The following BCL2L11 variants were observed in gnomAD, a reference collection of about 807,000 sequenced individuals.
BCL2L11 encodes the protein BCL2 like 11.
Under a neutral mutation model 20.6 loss-of-function variants are expected in BCL2L11, and 15 were observed. The observed-to-expected ratio is 0.73, with a 90% CI of 0.49 to 1.12. The LOEUF (loss-of-function observed/expected upper bound fraction) is 1.12. Ranked by LOEUF, BCL2L11 falls within the 50% of genes most tolerant of loss-of-function variation. The pLI is 0.00. For missense variants in BCL2L11, 292 were observed against 260.9 expected (o/e 1.12, Z -0.82); for synonymous variants, 108 against 92.8 (o/e 1.16, Z -0.94).
At position 111,121,071 on chromosome 2, in the gene BCL2L11, C is replaced by T; in HGVS notation, c.-131C>T. On this transcript the variant is annotated 5_prime_UTR_variant, in exon 1 of 4. Coordinates refer to ENST00000393256, the MANE Select transcript of BCL2L11 (RefSeq NM_138621.5). Reference sequence around the variant, plus strand: ...CCACCCTGCGAACCCTGCCACACTGCGATCGCATCATCGCGGTATTCGGTT... The same window carrying T: ...CCACCCTGCGAACCCTGCCACACTGTGATCGCATCATCGCGGTATTCGGTT... 2.9e-6 allele frequency: 1 copy of T among 345,598 alleles called. No individual in the cohort carries two copies. The allele number at this position is 345,598 out of a possible 1,614,324, so 21.4% of individuals were successfully genotyped here.
intron 1 of BCL2L11, 190 bp from the exon 2 acceptor site, chr2:111,123,543 C>T (rs2071728152): frequency 1.0e-6 from 1 of 983,748 alleles, no homozygotes; most frequent in African/African-American, 1.7e-5. Context: ...GGGGTACCCT[C>T]TACCAAAAAA....
In BCL2L11 at chr2:111,165,689, A is replaced by G. The variant is rs1261217547; in HGVS notation, c.*1458A>G. ...GGGAGACCCAAGAAAGAGTCAGGTT[A>G]GGGAGCAGTGAAAGTGAGGAGGGAA... On this transcript the variant is annotated 3_prime_UTR_variant, in exon 4 of 4. Transcript: ENST00000393256. 1 of 152,160 alleles carries G rather than the reference A, an allele frequency of 6.6e-6. No individual in the cohort carries two copies. Among genetic ancestry groups the G allele is most frequent in the Non-Finnish European group, 1.5e-5 (1 of 68,032 alleles). The allele number at this position is 152,160 out of a possible 1,614,324, so 9.4% of individuals were successfully genotyped here.
chr2:111,123,234 C>A, intron 1 of BCL2L11: 1 of 985,492 alleles, frequency 1.0e-6, no homozygotes, highest in Non-Finnish European at 1.2e-6. Context: ...CTACGACTGA[C>A]GGCCGCTGCC....
chr2:111,149,082 C>T (rs903248378), intron 2 of BCL2L11, among the ~76,000 whole-genome samples: 7 of 152,140 alleles, frequency 4.6e-5, no homozygotes, highest in Non-Finnish European at 1.0e-4. Context: ...ACGTGAATAG[C>T]GGTGGAAATC....
At chr2:111,134,024 T>C (rs2074417127) in intron 2 of BCL2L11, among the ~76,000 whole-genome samples, 1 of 152,126 alleles carries the variant, frequency 6.6e-6, no homozygotes, top group Non-Finnish European at 1.5e-5. Context: ...CATAGTATTA[T>C]CTTTTTCCAT....
intron 3 of BCL2L11, among the ~76,000 whole-genome samples, chr2:111,152,837 G>A (rs887515460): frequency 1.3e-5 from 2 of 152,296 alleles, no homozygotes; most frequent in East Asian, 3.9e-4. Flanking sequence ...CCAATAAGAT[G>A]CAACCTATTG....
At chr2:111,128,698 G>T in intron 2 of BCL2L11, 1 of 1,549,400 alleles carries the variant, frequency 6.5e-7, no homozygotes. Flanking sequence ...AGATTTGTAT[G>T]GCCACCACCA....
chr2:111,125,535 C>T (rs375347992), intron 2 of BCL2L11, among the ~76,000 whole-genome samples: 5 of 152,236 alleles, frequency 3.3e-5, no homozygotes, highest in African/African-American at 7.2e-5. Context: ...ACTCAACAAA[C>T]CCATCAGAAC....
intron 2 of BCL2L11, among the ~76,000 whole-genome samples, chr2:111,126,158 C>T (rs2072553040): frequency 6.6e-6 from 1 of 152,114 alleles, no homozygotes; most frequent in Non-Finnish European, 1.5e-5. Flanking sequence ...GTTTCTCCTT[C>T]CCTGGAACTG....
chr2:111,164,291 C>T lies in BCL2L11; in HGVS notation c.*60C>T. ...ATTTTGCTTGTTCAAACCAACAAGA[C>T]CCAGCACCGCGGTCTCCTGGTGCCA... On this transcript the variant is annotated 3_prime_UTR_variant, in exon 4 of 4. Coordinates refer to ENST00000393256, the MANE Select transcript of BCL2L11 (RefSeq NM_138621.5). The T allele has an allele frequency of 8.0e-7, 1 of 1,256,544 alleles. No individual in the cohort carries two copies. Among genetic ancestry groups the T allele is most frequent in the Non-Finnish European group, 1.2e-6 (1 of 854,266 alleles). The allele number at this position is 1,256,544 out of a possible 1,614,324, so 77.8% of individuals were successfully genotyped here. A position where few individuals can be genotyped will look rare whatever the true frequency, so the allele number is the denominator to read the frequency against.
chr2:111,127,026 C>G (rs546483710), intron 2 of BCL2L11, among the ~76,000 whole-genome samples: 19 of 152,058 alleles, frequency 1.2e-4, no homozygotes, highest in African/African-American at 4.6e-4. Context: ...TTTTATGTCT[C>G]TGATTTTTCT....
intron 2 of BCL2L11, among the ~76,000 whole-genome samples, chr2:111,137,297 C>T (rs72836352): frequency 0.071 from 10,854 of 152,264 alleles, 558 homozygotes; most frequent in Non-Finnish European, 0.11. Flanking sequence ...TCACAGGACT[C>T]GCTATGAACC....
intron 3 of BCL2L11, chr2:111,153,725 C>G (rs2077504780): frequency 2.6e-6 from 4 of 1,550,594 alleles, no homozygotes; most frequent in African/African-American, 1.4e-5. Flanking sequence ...AAGTGTTAGT[C>G]TTTTATTGCC....
At chr2:111,153,095 A>T (rs1298388329) in intron 3 of BCL2L11, among the ~76,000 whole-genome samples, 1 of 152,114 alleles carries the variant, frequency 6.6e-6, no homozygotes, top group East Asian at 1.9e-4. Context: ...GCAAAACACA[A>T]GGCTGGGTAC....
intron 2 of BCL2L11, chr2:111,142,424 TA>T (rs2075969229): frequency 6.6e-7 from 1 of 1,514,490 alleles, no homozygotes; most frequent in Non-Finnish European, 9.0e-7. Flanking sequence ...CAAAATGGGA[TA>T]AAAAGAAGCA....
intron 1 of BCL2L11, among the ~76,000 whole-genome samples, chr2:111,122,110 T>C (rs1487437434): frequency 6.6e-6 from 1 of 152,222 alleles, no homozygotes; most frequent in Non-Finnish European, 1.5e-5. Flanking sequence ...GGGGTGGCTC[T>C]TCGGCTTTGA....
chr2:111,160,405 G>A (rs2078411039), intron 3 of BCL2L11, among the ~76,000 whole-genome samples: 1 of 152,194 alleles, frequency 6.6e-6, no homozygotes, highest in East Asian at 1.9e-4. Flanking sequence ...CTTGAAGTCA[G>A]GCCCCCCACC....
rs532048690 is a variant in BCL2L11, at chr2:111,136,210, T to C, written c.394+12071T>C. 2.0e-5 allele frequency among the ~76,000 whole-genome samples: 3 copies of C among 152,338 alleles called. No homozygotes were observed. The East Asian group carries it at 5.8e-4, about 29-fold the overall frequency. On this transcript the variant is annotated intron_variant, in intron 2 of 3. Transcript: ENST00000393256. The stretch of plus-strand genomic sequence containing the variant: ...GAACAGGCCTCCCATGGAGCTGTTA[T>C]CTACGCCTCTTGGAAAGGCCCAGTT...
intron 2 of BCL2L11, among the ~76,000 whole-genome samples, chr2:111,137,653 T>G (rs1452908898): frequency 6.8e-6 from 1 of 146,338 alleles, no homozygotes; most frequent in African/African-American, 2.6e-5. Context: ...TTTTTTTTTT[T>G]CAGGAAATGC....
Sources: gnomAD v4.1 joint callset for allele counts (sites outside exome capture counted in the v4.1 genomes callset) on GRCh38, gnomAD v4.1.1 for gene constraint, MANE v1.5 for transcripts, NCBI Gene and HGNC (gene_info 2026-07-23, HGNC 2026-07-21) for gene names.